The following TMEM135 variants were observed in gnomAD, a reference collection of about 807,000 sequenced individuals.
The protein encoded by TMEM135 is peroxisomal membrane protein 52.
TMEM135 carries 30 observed loss-of-function variants against 60.3 expected under a neutral mutation model. The ratio of observed to expected loss-of-function variants is 0.50; its 90% CI spans 0.37 to 0.68. The LOEUF is 0.68. TMEM135 is among the 30% of genes least tolerant of loss of function. The probability of loss-of-function intolerance (pLI) is 0.00; values close to 1 mark genes in which losing one functional copy is unlikely to be tolerated. For missense variants in TMEM135, 468 were observed against 548.8 expected, an observed-to-expected ratio of 0.85 and a Z score of 1.47; for synonymous variants, 190 against 186.7, an observed-to-expected ratio of 1.02 and a Z score of -0.14.
At chr11:87,283,719 G>A (rs375397253) in intron 6 of TMEM135, among the ~76,000 whole-genome samples, 7 of 152,072 alleles carry the variant, frequency 4.6e-5, no homozygotes, top group East Asian at 1.9e-4. Flanking sequence ...TTAGCTGGGC[G>A]TGGTGGCGGG....
At chr11:87,188,724 A>C (rs1168990012) in intron 5 of TMEM135, among the ~76,000 whole-genome samples, 1 of 151,624 alleles carries the variant, frequency 6.6e-6, no homozygotes, top group African/African-American at 2.4e-5. Context: ...AAAATTATAG[A>C]AGCAATATAC....
chr11:87,178,333 A>G, intron 5 of TMEM135: 1 of 446,392 alleles, frequency 2.2e-6, no homozygotes, highest in Non-Finnish European at 4.5e-6. Flanking sequence ...GTCCAGATAT[A>G]TTTTTATTAT....
chr11:87,090,359 G>C (rs1312638143), intron 3 of TMEM135, among the ~76,000 whole-genome samples: 2 of 152,034 alleles, frequency 1.3e-5, no homozygotes, highest in African/African-American at 2.4e-5. Context: ...CATACTGCCT[G>C]CATGTGGCTT....
chr11:87,132,244 C>T (rs1009766945), intron 4 of TMEM135, among the ~76,000 whole-genome samples: 30 of 152,220 alleles, frequency 2.0e-4, no homozygotes, highest in African/African-American at 7.0e-4. Flanking sequence ...TTCCATGAAA[C>T]CAGTCCCTGG....
At chr11:87,082,657 A>G (rs1183163400) in intron 3 of TMEM135, among the ~76,000 whole-genome samples, 1 of 152,200 alleles carries the variant, frequency 6.6e-6, no homozygotes, top group East Asian at 1.9e-4. Flanking sequence ...TCATGTGTGA[A>G]AGCCCAGTAT....
chr11:87,038,837 C>T (rs1367982092), intron 1 of TMEM135, among the ~76,000 whole-genome samples: 1 of 150,208 alleles, frequency 6.7e-6, no homozygotes, highest in African/African-American at 2.5e-5. Context: ...CTTTGTGTCA[C>T]CTAGGACCTT....
At chr11:87,278,092 A>C (rs1011301) in intron 6 of TMEM135, among the ~76,000 whole-genome samples, 55,713 of 152,026 alleles carry the variant, frequency 0.37, 10,885 homozygotes, top group Non-Finnish European at 0.43. Context: ...CTCTACCTGT[A>C]TAGAATTCTC....
At chr11:87,164,034 T>G (rs1002549124) in intron 5 of TMEM135, among the ~76,000 whole-genome samples, 1 of 140,168 alleles carries the variant, frequency 7.1e-6, no homozygotes. Flanking sequence ...CAGAAGCTCT[T>G]TAGTTTAATC....
intron 5 of TMEM135, among the ~76,000 whole-genome samples, chr11:87,223,663 G>GCACACACACACACACACACACACA (rs1320732136): frequency 7.6e-6 from 1 of 130,862 alleles, no homozygotes; most frequent in African/African-American, 3.0e-5. Context: ...ATACGCACAT[G>GCACACACACACACACACACACACA]CACGCACACA....
intron 4 of TMEM135, among the ~76,000 whole-genome samples, chr11:87,114,409 C>G (rs1591029395): frequency 6.6e-6 from 1 of 151,958 alleles, no homozygotes; most frequent in Admixed American, 6.6e-5. Flanking sequence ...TGTGTTTTTT[C>G]CAACAATGAG....
intron 4 of TMEM135, among the ~76,000 whole-genome samples, chr11:87,110,475 T>C (rs960601385): frequency 6.6e-6 from 1 of 151,418 alleles, no homozygotes; most frequent in African/African-American, 2.4e-5. Context: ...AAAAAAAAAA[T>C]TGAATCCTGG....
intron 4 of TMEM135, among the ~76,000 whole-genome samples, chr11:87,105,633 A>G (rs1209602920): frequency 6.6e-6 from 1 of 152,202 alleles, no homozygotes. Context: ...AAATGGATAT[A>G]TATTACTTGT....
Position 87,245,629 on chromosome 11 carries a change from T to C in TMEM135, c.509+8945T>C, listed in dbSNP as rs867699887. The stretch of plus-strand genomic sequence containing the variant: ...AATGGCCTTCTTTGTCTCTTTTGAT[T>C]TTTGTTGGTTTAAAGTCTGTTTTAT... On this transcript the variant is annotated intron_variant, in intron 6 of 14. Coordinates refer to ENST00000305494, the MANE Select transcript of TMEM135 (RefSeq NM_022918.4). Among the ~76,000 whole-genome samples, 384 of 130,690 alleles carry C rather than the reference T, an allele frequency of 2.9e-3. 1 individual carries two copies. The highest frequency in any genetic ancestry group is 9.5e-3 in the South Asian group (34 of 3,590). The allele number at this position is 130,690 out of a possible 152,430, so 85.7% of individuals were successfully genotyped here. A position where few individuals can be genotyped will look rare whatever the true frequency, so the allele number is the denominator to read the frequency against.
rs200202776 is a variant in TMEM135, at chr11:87,091,347, T to G, written c.363-15T>G. The G allele has an allele frequency of 1.9e-4, 302 of 1,610,244 alleles. No homozygotes were observed. The highest frequency in any genetic ancestry group is 2.4e-4 in the Non-Finnish European group (286 of 1,177,790). On this transcript the variant is annotated splice_polypyrimidine_tract_variant and intron_variant, in intron 3 of 14. Coordinates refer to ENST00000305494, the MANE Select transcript of TMEM135 (RefSeq NM_022918.4). Reference sequence around the variant, plus strand: ...AAATTGAAGTTTAATATCTTCCTTTTAAAATTATTTGCAGGAGAGGGCTGC... The same window carrying G: ...AAATTGAAGTTTAATATCTTCCTTTGAAAATTATTTGCAGGAGAGGGCTGC...
chr11:87,092,482 C>T (rs1320689267), intron 4 of TMEM135, among the ~76,000 whole-genome samples: 1 of 152,046 alleles, frequency 6.6e-6, no homozygotes, highest in Non-Finnish European at 1.5e-5. Flanking sequence ...GTTCATGGAC[C>T]ACCAATTAAG....
intron 5 of TMEM135, among the ~76,000 whole-genome samples, chr11:87,191,392 C>T (rs1939795564): frequency 6.6e-6 from 1 of 152,108 alleles, no homozygotes; most frequent in South Asian, 2.1e-4. Flanking sequence ...AGGTGCCCGC[C>T]ACCACGCCCG....
chr11:87,164,129 ATG>A (rs1938969707), intron 5 of TMEM135, among the ~76,000 whole-genome samples: 1 of 124,686 alleles, frequency 8.0e-6, no homozygotes, highest in Non-Finnish European at 1.6e-5. Context: ...TATGTCCTGA[ATG>A]GTAATGCCTA....
chr11:87,291,282 A>G (rs1942255846), intron 6 of TMEM135, among the ~76,000 whole-genome samples: 1 of 152,016 alleles, frequency 6.6e-6, no homozygotes, highest in Non-Finnish European at 1.5e-5. Context: ...AGTATTCCCT[A>G]CTTTAATGAG....
intron 6 of TMEM135, among the ~76,000 whole-genome samples, chr11:87,240,010 C>T (rs518921): frequency 0.66 from 100,083 of 151,872 alleles, 33,541 homozygotes; most frequent in Non-Finnish European, 0.71. Context: ...GTAAGGCTTA[C>T]GTTCAAATGG....
Sources: allele counts gnomAD v4.1 joint callset (sites outside exome capture counted in the v4.1 genomes callset), GRCh38; gene constraint gnomAD v4.1.1; transcripts MANE v1.5; gene names NCBI Gene and HGNC (gene_info 2026-07-23, HGNC 2026-07-21).